PRKAA1: variants seen among roughly 807,000 people sequenced by gnomAD.
PRKAA1 encodes protein kinase AMP-activated catalytic subunit alpha 1, also known as 5'-AMP-activated protein kinase catalytic subunit alpha-1.
PRKAA1 carries 23 observed loss-of-function variants against 56.9 expected under a neutral mutation model. That is an observed-to-expected ratio of 0.40 (90% confidence interval 0.29 to 0.57). PRKAA1 has a LOEUF of 0.57. Ranked by LOEUF, PRKAA1 falls within the 20% of genes least tolerant of loss-of-function variation. The pLI is 0.39. For synonymous variants in PRKAA1, 226 were observed against 227.0 expected, an observed-to-expected ratio of 1.00 and a Z score of 0.04; for missense variants, 413 against 679.7, an observed-to-expected ratio of 0.61 and a Z score of 4.36.
rs560518333 is a variant in PRKAA1 at position 40,789,670 on chromosome 5, G to A, written c.127+8393C>T. Among the ~76,000 whole-genome samples, 10 of 152,242 alleles carry A rather than the reference G, an allele frequency of 6.6e-5. No homozygotes were observed. In the South Asian group the frequency reaches 2.1e-3, roughly 32 times the overall value. ...GGGAAAAGGAAGATATTGGTCAATG[G>A]CTACATAAAATTACAGTCAGGAGGA... On this transcript the variant is annotated intron_variant, in intron 1 of 8. Transcript: ENST00000397128.
intron 5 of PRKAA1, 67 bp downstream of exon 5, chr5:40,769,349 A>C (rs992995357): frequency 9.8e-5 from 123 of 1,255,006 alleles, no homozygotes; most frequent in Middle Eastern, 1.9e-4. Context: ...GACACTATAG[A>C]CTAACAAAAT....
chr5:40,787,720 C>T lies in PRKAA1; in HGVS notation c.128-10134G>A, dbSNP rs116539359. On this transcript the variant is annotated intron_variant, in intron 1 of 8. Transcript: ENST00000397128. ...TTGCAAAAGATAAAAAGAAAAAATC[C>T]AAAGTGGACCACTACAGAAAGCAAT... 6.1e-3 allele frequency among the ~76,000 whole-genome samples: 928 copies of T among 151,424 alleles called. 13 individuals carry two copies. The highest frequency in any genetic ancestry group is 0.021 in the African/African-American group (878 of 41,360).
intron 2 of PRKAA1, among the ~76,000 whole-genome samples, chr5:40,775,840 T>G (rs1743976020): frequency 6.6e-6 from 1 of 152,076 alleles, no homozygotes; most frequent in African/African-American, 2.4e-5. Context: ...TGTAATTATC[T>G]AGGAGGAAAG....
rs894631511 is a variant in PRKAA1 at position 40,761,031 on chromosome 5, A to G, written c.*1747T>C. 3 of 152,150 alleles carry G rather than the reference A, an allele frequency of 2.0e-5. No homozygotes were observed. The highest frequency in any genetic ancestry group is 4.4e-5 in the Non-Finnish European group (3 of 67,984). The allele number at this position is 152,150 out of a possible 1,614,324, so 9.4% of individuals were successfully genotyped here. ...ATGCAATTAAGAATGACAAAAAAAA[A>G]TATCAGTGTAAATCAGAAATCTTAG... On this transcript the variant is annotated 3_prime_UTR_variant, in exon 9 of 9. Transcript: ENST00000397128.
In PRKAA1 at chr5:40,762,740, T is replaced by A. The variant is rs752177993; in HGVS notation, c.*38A>T. On this transcript the variant is annotated 3_prime_UTR_variant, in exon 9 of 9. Coordinates refer to ENST00000397128, the MANE Select transcript of PRKAA1 (RefSeq NM_006251.6). ...GCATTTGGCTGTGACTTATTATGCATGCTTATTGCTGCAAAAGAAATAAGC... is the reference window on the plus strand; with the variant it reads ...GCATTTGGCTGTGACTTATTATGCAAGCTTATTGCTGCAAAAGAAATAAGC... The A allele has an allele frequency of 1.2e-6, 2 of 1,607,716 alleles. No individual in the cohort carries two copies. Among genetic ancestry groups the A allele is most frequent in the Non-Finnish European group, 8.5e-7 (1 of 1,175,952 alleles).
chr5:40,789,951 G>A (rs1744648416), intron 1 of PRKAA1: 1 of 152,102 alleles, frequency 6.6e-6, no homozygotes, highest in Non-Finnish European at 1.5e-5. Flanking sequence ...ACTTATGGTA[G>A]GAATGGCCTT....
intron 4 of PRKAA1, among the ~76,000 whole-genome samples, chr5:40,770,622 C>T (rs188259329): frequency 8.2e-4 from 113 of 137,586 alleles, no homozygotes; most frequent in African/African-American, 2.9e-3. Flanking sequence ...TTTTTGAGAC[C>T]GTGTCTCACT....
chr5:40,763,410 C>G (rs902114774), intron 8 of PRKAA1, among the ~76,000 whole-genome samples: 2 of 152,012 alleles, frequency 1.3e-5, no homozygotes, highest in African/African-American at 4.8e-5. Context: ...CTCATCCAGC[C>G]CCTCACTTTA....
chr5:40,763,948 A>G (rs1039202853), intron 8 of PRKAA1, among the ~76,000 whole-genome samples: 1 of 152,072 alleles, frequency 6.6e-6, no homozygotes. Context: ...TATATATTTT[A>G]ATATTTTGTA....
chr5:40,778,082 CAAACAAAT>C (rs1227731584), intron 1 of PRKAA1, among the ~76,000 whole-genome samples: 1 of 151,520 alleles, frequency 6.6e-6, no homozygotes, highest in Non-Finnish European at 1.5e-5. Context: ...CTCAAACAAA[CAAACAAAT>C]ACAAAAATTA....
At chr5:40,776,482 A>G (rs944131723) in intron 2 of PRKAA1, among the ~76,000 whole-genome samples, 1 of 152,240 alleles carries the variant, frequency 6.6e-6, no homozygotes. Context: ...CAAGAGATGT[A>G]CATTTAGGGG....
chr5:40,782,021 C>G (rs1367998601), intron 1 of PRKAA1, among the ~76,000 whole-genome samples: 1 of 152,230 alleles, frequency 6.6e-6, no homozygotes, highest in Admixed American at 6.5e-5. Flanking sequence ...GTGCTAAACA[C>G]ATCCTCCAAG....
At chr5:40,794,009 G>A (rs1470548329) in intron 1 of PRKAA1, among the ~76,000 whole-genome samples, 1 of 151,760 alleles carries the variant, frequency 6.6e-6, no homozygotes. Context: ...AGTTGAGGCA[G>A]AAGAATCACT....
chr5:40,793,360 G>A (rs138875305), intron 1 of PRKAA1, among the ~76,000 whole-genome samples: 241 of 151,974 alleles, frequency 1.6e-3, no homozygotes, highest in Middle Eastern at 6.9e-3. Flanking sequence ...AATAACCCTA[G>A]TTTTCTGTAA....
intron 1 of PRKAA1, among the ~76,000 whole-genome samples, chr5:40,785,276 G>A (rs1053304052): frequency 2.0e-5 from 3 of 151,922 alleles, no homozygotes; most frequent in Non-Finnish European, 4.4e-5. Flanking sequence ...TTTTGCTCTT[G>A]TTGCCCAGGC....
At chr5:40,783,741 A>G (rs1744358587) in intron 1 of PRKAA1, among the ~76,000 whole-genome samples, 1 of 152,166 alleles carries the variant, frequency 6.6e-6, no homozygotes, top group Non-Finnish European at 1.5e-5. Flanking sequence ...CCTGGGCAAC[A>G]GAGCGAGACT....
chr5:40,769,396 G>A lies in PRKAA1; in HGVS notation c.596+20C>T, dbSNP rs1345672539. On this transcript the variant is annotated intron_variant, in intron 5 of 8. Coordinates refer to ENST00000397128, the MANE Select transcript of PRKAA1 (RefSeq NM_006251.6). ...AGACAATTTCAAATGTATTGAGGGA[G>A]GCAGGGTATCAAATACTACCTTCCT... 1.3e-6 allele frequency: 2 copies of A among 1,548,940 alleles called. No individual in the cohort carries two copies. The highest frequency in any genetic ancestry group is 4.5e-5 in the East Asian group (2 of 44,380).
chr5:40,787,667 G>T (rs1466241716), intron 1 of PRKAA1, among the ~76,000 whole-genome samples: 2 of 151,448 alleles, frequency 1.3e-5, no homozygotes, highest in African/African-American at 4.9e-5. Flanking sequence ...TAAGCCACAG[G>T]GTAACTACAA....
At chr5:40,797,721 C>A (rs1310483049) in intron 1 of PRKAA1, among the ~76,000 whole-genome samples, 2 of 152,198 alleles carry the variant, frequency 1.3e-5, no homozygotes, top group African/African-American at 4.8e-5. Context: ...GGATCGCGCC[C>A]GGCGCCCCCT....
Sources: gnomAD v4.1 joint callset for allele counts (sites outside exome capture counted in the v4.1 genomes callset) on GRCh38, gnomAD v4.1.1 for gene constraint, MANE v1.5 for transcripts, NCBI Gene and HGNC (gene_info 2026-07-23, HGNC 2026-07-21) for gene names.